The following INPP4B variants were observed in gnomAD, a reference collection of about 807,000 sequenced individuals.
INPP4B encodes the protein inositol polyphosphate-4-phosphatase type II B.
INPP4B carries 55 observed loss-of-function variants against 122.5 expected under a neutral mutation model. That is an observed-to-expected ratio of 0.45 (90% CI 0.36 to 0.56). INPP4B has a LOEUF of 0.56. INPP4B is among the 20% of genes least tolerant of loss of function. The probability of loss-of-function intolerance (pLI) is 0.00; values close to 1 mark genes in which losing one functional copy is unlikely to be tolerated. For synonymous variants in INPP4B, 403 were observed against 388.7 expected, an observed-to-expected ratio of 1.04 and a Z score of -0.43; for missense variants, 1,000 against 1,097.7, an observed-to-expected ratio of 0.91 and a Z score of 1.26.
At chr4:142,108,981 C>T (rs1281266492) in intron 22 of INPP4B, among the ~76,000 whole-genome samples, 2 of 152,060 alleles carry the variant, frequency 1.3e-5, no homozygotes, top group Admixed American at 6.6e-5. Context: ...TATAACATAA[C>T]CCAAAACTAA....
intron 12 of INPP4B, among the ~76,000 whole-genome samples, chr4:142,221,560 C>T (rs774069954): frequency 1.3e-5 from 2 of 151,970 alleles, no homozygotes; most frequent in Non-Finnish European, 2.9e-5. Context: ...ATGATGCCAG[C>T]CTTTTCGTTT....
chr4:142,273,696 G>A (rs563750525), intron 9 of INPP4B, among the ~76,000 whole-genome samples: 2 of 151,756 alleles, frequency 1.3e-5, no homozygotes, highest in East Asian at 3.9e-4. Flanking sequence ...GTGCCTGGGT[G>A]GAATCAAAGC....
chr4:142,506,005 T>C (rs544349661), intron 2 of INPP4B, among the ~76,000 whole-genome samples: 79 of 152,290 alleles, frequency 5.2e-4, no homozygotes, highest in South Asian at 1.5e-3. Flanking sequence ...AACACTAAAA[T>C]GTATGTTCTA....
intron 3 of INPP4B, among the ~76,000 whole-genome samples, chr4:142,440,474 G>A (rs368496536): frequency 4.6e-5 from 7 of 152,310 alleles, no homozygotes; most frequent in African/African-American, 1.7e-4. Flanking sequence ...ATTGCAAATA[G>A]TTCAGTTTGG....
chr4:142,529,984 T>C (rs1054107593), intron 2 of INPP4B, among the ~76,000 whole-genome samples: 1 of 152,126 alleles, frequency 6.6e-6, no homozygotes, highest in Admixed American at 6.6e-5. Flanking sequence ...TCACTGTTCA[T>C]AGTCTTCTGA....
At chr4:142,158,685 G>A (rs924730150) in intron 17 of INPP4B, among the ~76,000 whole-genome samples, 6 of 151,896 alleles carry the variant, frequency 4.0e-5, no homozygotes, top group Admixed American at 3.3e-4. Flanking sequence ...AAGAACTAAG[G>A]ATCTAACATT....
At chr4:142,594,659 A>G (rs943444399) in intron 2 of INPP4B, among the ~76,000 whole-genome samples, 5 of 152,094 alleles carry the variant, frequency 3.3e-5, no homozygotes, top group Admixed American at 6.6e-5. Context: ...GGAGGACAAT[A>G]AAAGGGGAAC....
At position 142,028,773 on chromosome 4, in the gene INPP4B, T is replaced by C; in HGVS notation, c.*9A>G. 1 of 1,603,856 alleles carries C rather than the reference T, an allele frequency of 6.2e-7. No individual in the cohort carries two copies. Among genetic ancestry groups the C allele is most frequent in the Non-Finnish European group, 8.5e-7 (1 of 1,176,974 alleles). ...ATTTGTGTTCCTGTTTATTAACATG[T>C]TGGTAAACTTAGGTGTCAGCTTTTC... On this transcript the variant is annotated 3_prime_UTR_variant, in exon 26 of 26. Transcript: ENST00000262992.
chr4:142,423,767 A>G (rs1357442307), intron 5 of INPP4B: 1 of 429,584 alleles, frequency 2.3e-6, no homozygotes, highest in Admixed American at 2.9e-5. Flanking sequence ...ATAGAAAAAA[A>G]ACAGACCTTC....
intron 1 of INPP4B, among the ~76,000 whole-genome samples, chr4:142,770,079 A>G (rs897683600): frequency 3.9e-5 from 6 of 152,140 alleles, no homozygotes; most frequent in African/African-American, 1.4e-4. Flanking sequence ...AGCTCAGCCT[A>G]CAAATTCTGG....
intron 25 of INPP4B, among the ~76,000 whole-genome samples, chr4:142,064,271 G>A (rs928685496): frequency 1.3e-5 from 2 of 152,152 alleles, no homozygotes; most frequent in African/African-American, 4.8e-5. Flanking sequence ...CAGCTTTTAA[G>A]TTATTAACAT....
intron 2 of INPP4B, among the ~76,000 whole-genome samples, chr4:142,558,306 C>T (rs150854393): frequency 0.012 from 1,852 of 152,140 alleles, 22 homozygotes; most frequent in Non-Finnish European, 0.018. Flanking sequence ...GCTCTGTTCT[C>T]TGGATTCATA....
chr4:142,151,291 CCACAT>C (rs1352107164), intron 17 of INPP4B, among the ~76,000 whole-genome samples: 1 of 152,056 alleles, frequency 6.6e-6, no homozygotes, highest in Non-Finnish European at 1.5e-5. Context: ...CACACACACA[CCACAT>C]ATCAACATCC....
intron 2 of INPP4B, chr4:142,660,731 T>G (rs1244788600): frequency 6.6e-6 from 1 of 152,108 alleles, no homozygotes; most frequent in Non-Finnish European, 1.5e-5. Context: ...TCCCCTTGTT[T>G]CACTTTGATA....
intron 2 of INPP4B, among the ~76,000 whole-genome samples, chr4:142,569,206 A>G (rs931675372): frequency 3.9e-5 from 6 of 152,150 alleles, no homozygotes; most frequent in African/African-American, 1.2e-4. Context: ...GAAATATAAT[A>G]TAAAAATATC....
chr4:142,189,989 T>C (rs939868229), intron 15 of INPP4B, among the ~76,000 whole-genome samples: 1 of 152,244 alleles, frequency 6.6e-6, no homozygotes, highest in African/African-American at 2.4e-5. Flanking sequence ...AATGTTCTTA[T>C]GCTAAACCCT....
chr4:142,413,363 A>G (rs1357656807), intron 5 of INPP4B, among the ~76,000 whole-genome samples: 1 of 152,164 alleles, frequency 6.6e-6, no homozygotes, highest in African/African-American at 2.4e-5. Context: ...AAAGAAATCA[A>G]CCTAAGGAAT....
chr4:142,425,673 A>T (rs1234763583), intron 5 of INPP4B, among the ~76,000 whole-genome samples: 1 of 151,954 alleles, frequency 6.6e-6, no homozygotes, highest in Non-Finnish European at 1.5e-5. Flanking sequence ...TTTGAAAACT[A>T]TATCTAAAGT....
intron 16 of INPP4B, among the ~76,000 whole-genome samples, chr4:142,163,510 CAAG>C (rs897787406): frequency 2.6e-5 from 4 of 151,846 alleles, no homozygotes; most frequent in African/African-American, 9.7e-5. Flanking sequence ...AACATCATCA[CAAG>C]AAGACACGTG....
Sources: gnomAD v4.1 joint callset for allele counts (sites outside exome capture counted in the v4.1 genomes callset) on GRCh38, gnomAD v4.1.1 for gene constraint, MANE v1.5 for transcripts, NCBI Gene and HGNC (gene_info 2026-07-23, HGNC 2026-07-21) for gene names.